COL19A1: variants seen among roughly 807,000 people sequenced by gnomAD.
The protein encoded by COL19A1 is collagen alpha-1(XIX) chain.
In COL19A1, 159 loss-of-function variants were observed where a neutral mutation model predicts 190.2. The ratio of observed to expected loss-of-function variants is 0.84; its 90% CI spans 0.73 to 0.95. COL19A1 has a LOEUF of 0.95. COL19A1 is among the 40% of genes least tolerant of loss of function. The pLI is 0.00. For synonymous variants in COL19A1, 509 were observed against 458.9 expected (o/e 1.11, Z -1.39); for missense variants, 1,418 against 1,431.9 (o/e 0.99, Z 0.16).
intron 9 of COL19A1, among the ~76,000 whole-genome samples, chr6:69,956,946 A>G (rs1011463312): frequency 2.0e-5 from 3 of 152,042 alleles, no homozygotes; most frequent in African/African-American, 7.2e-5. Flanking sequence ...CTGAATGTCT[A>G]ACTGTTAAAA....
intron 15 of COL19A1, among the ~76,000 whole-genome samples, chr6:70,092,586 T>C (rs1247273276): frequency 6.6e-6 from 1 of 152,146 alleles, no homozygotes; most frequent in East Asian, 1.9e-4. Context: ...TAATAGAGAA[T>C]TACATAAGGA....
intron 6 of COL19A1, among the ~76,000 whole-genome samples, chr6:69,931,933 T>A (rs1562010334): frequency 1.3e-5 from 2 of 152,198 alleles, no homozygotes; most frequent in Non-Finnish European, 2.9e-5. Flanking sequence ...TAAGATTAAT[T>A]ATTATAAGAT....
At chr6:70,078,045 T>C (rs1365513879) in intron 15 of COL19A1, among the ~76,000 whole-genome samples, 3 of 152,242 alleles carry the variant, frequency 2.0e-5, no homozygotes, top group Non-Finnish European at 2.9e-5. Flanking sequence ...ATCATGTTTA[T>C]AGTTTATTTG....
intron 4 of COL19A1, among the ~76,000 whole-genome samples, chr6:69,903,331 G>GC (rs1770310774): frequency 6.6e-6 from 1 of 152,130 alleles, no homozygotes. Flanking sequence ...GCCTTATCTT[G>GC]CATTAGGCCT....
chr6:70,027,501 C>G (rs1778790338), intron 12 of COL19A1, among the ~76,000 whole-genome samples: 1 of 152,014 alleles, frequency 6.6e-6, no homozygotes, highest in South Asian at 2.1e-4. Flanking sequence ...CCAGTAGCAG[C>G]CCCTAGTCAT....
At chr6:69,921,416 A>T (rs533778768) in intron 4 of COL19A1, among the ~76,000 whole-genome samples, 1 of 77,460 alleles carries the variant, frequency 1.3e-5, no homozygotes, top group Non-Finnish European at 2.4e-5. Flanking sequence ...TATATCATAT[A>T]TCATATATAT....
At chr6:69,873,485 G>A (rs1020231791) in intron 1 of COL19A1, among the ~76,000 whole-genome samples, 3 of 152,180 alleles carry the variant, frequency 2.0e-5, no homozygotes, top group Non-Finnish European at 4.4e-5. Context: ...AATGAGGGAT[G>A]AACTTTGGTT....
In COL19A1 at chr6:69,929,607, A is replaced by C. The variant is rs1380761326; in HGVS notation, c.573A>C (p.Leu191Phe). 8 of 1,613,844 alleles carry C rather than the reference A, an allele frequency of 5.0e-6. No homozygotes were observed. In the East Asian group the frequency reaches 1.8e-4, roughly 36 times the overall value. ...QVISLYMDCN[L>F]IARRQTDEKD... The stretch of plus-strand genomic sequence containing the variant: ...TTTCACTTTATATGGATTGTAATTT[A>C]ATTGCGAGGAGGCAGACTGATGAAA... Residue 191 changes from leucine to phenylalanine, a missense_variant, in exon 6 of 51, where the codon TTA becomes TTC. By Grantham distance (22) the Leu-to-Phe change is conservative. Coordinates refer to ENST00000620364, the MANE Select transcript of COL19A1 (RefSeq NM_001858.6).
chr6:69,875,125 G>T (rs971668676), intron 1 of COL19A1, among the ~76,000 whole-genome samples: 2 of 152,248 alleles, frequency 1.3e-5, no homozygotes, highest in African/African-American at 4.8e-5. Flanking sequence ...TCTTGGTCAG[G>T]TAAGGGCTTT....
At chr6:70,051,392 G>A (rs1008547019) in intron 14 of COL19A1, among the ~76,000 whole-genome samples, 3 of 152,042 alleles carry the variant, frequency 2.0e-5, no homozygotes, top group Non-Finnish European at 2.9e-5. Context: ...AGAGAAAAAG[G>A]CATTATTACT....
chr6:70,021,392 T>C (rs1778407142), intron 11 of COL19A1, among the ~76,000 whole-genome samples: 1 of 152,188 alleles, frequency 6.6e-6, no homozygotes, highest in Admixed American at 6.5e-5. Flanking sequence ...TGCTTATTCT[T>C]ACCATCTATG....
At chr6:69,955,708 A>G (rs1441463230) in intron 9 of COL19A1, among the ~76,000 whole-genome samples, 3 of 151,980 alleles carry the variant, frequency 2.0e-5, no homozygotes, top group Admixed American at 2.0e-4. Context: ...AACAGGGACC[A>G]TAGTATTAAG....
chr6:69,891,557 G>A (rs749567191), intron 2 of COL19A1, among the ~76,000 whole-genome samples: 1 of 152,156 alleles, frequency 6.6e-6, no homozygotes, highest in Non-Finnish European at 1.5e-5. Flanking sequence ...GGGTACATGA[G>A]GGAGAGAGGG....
Position 70,199,708 on chromosome 6 carries a change from T to G in COL19A1, c.3195T>G (p.Pro1065=). Residue 1065 remains proline, a synonymous_variant, in exon 49 of 51, where the codon CCT becomes CCG. Transcript: ENST00000620364. ...RPGPPGKDGL[P]GPPGDPGPQG... ...GGCCACCAGGGAAGGATGGGTTGCC[T>G]GGGCCACCAGGAGACCCTGGACCCC... The G allele has an allele frequency of 6.2e-7, 1 of 1,611,302 alleles. No homozygotes were observed. Among genetic ancestry groups the G allele is most frequent in the Non-Finnish European group, 8.5e-7 (1 of 1,178,324 alleles).
At chr6:70,080,249 A>G (rs925891495) in intron 15 of COL19A1, among the ~76,000 whole-genome samples, 4 of 152,238 alleles carry the variant, frequency 2.6e-5, no homozygotes, top group African/African-American at 9.6e-5. Context: ...TACACCTACT[A>G]CTTTCTTCCC....
intron 16 of COL19A1, among the ~76,000 whole-genome samples, chr6:70,102,956 A>T (rs1239511189): frequency 6.6e-6 from 1 of 152,120 alleles, no homozygotes; most frequent in Non-Finnish European, 1.5e-5. Flanking sequence ...GTTTAGCAAC[A>T]TTGGGTTTTT....
intron 15 of COL19A1, among the ~76,000 whole-genome samples, chr6:70,100,025 G>A (rs1783526432): frequency 6.6e-6 from 1 of 152,124 alleles, no homozygotes; most frequent in Non-Finnish European, 1.5e-5. Flanking sequence ...CATTTGGTTT[G>A]TTTCAACATT....
intron 4 of COL19A1, among the ~76,000 whole-genome samples, chr6:69,906,976 A>G (rs1489006191): frequency 6.6e-6 from 1 of 152,120 alleles, no homozygotes; most frequent in South Asian, 2.1e-4. Flanking sequence ...ATAATCCAAA[A>G]TATGGACAAA....
chr6:70,140,918 G>C, intron 19 of COL19A1, 36 bp from the exon 20 acceptor site: 1 of 1,605,000 alleles, frequency 6.2e-7, no homozygotes, highest in Non-Finnish European at 8.5e-7. Context: ...TTATTTCTAA[G>C]AGCGTTTAAT....
Sources: gnomAD v4.1 joint callset for allele counts (sites outside exome capture counted in the v4.1 genomes callset) on GRCh38, gnomAD v4.1.1 for gene constraint, MANE v1.5 for transcripts, NCBI Gene and HGNC (gene_info 2026-07-23, HGNC 2026-07-21) for gene names.